MYL7: variants seen among roughly 807,000 people sequenced by gnomAD.
The protein encoded by MYL7 is myosin light chain 7.
A neutral mutation model predicts 22.5 loss-of-function variants in MYL7; 27 were observed. The ratio of observed to expected loss-of-function variants is 1.20; its 90% CI spans 0.89 to 1.66. The LOEUF (loss-of-function observed/expected upper bound fraction) is 1.66, where lower values mean the gene tolerates loss of function less well. MYL7 is among the 40% of genes most tolerant of loss of function. MYL7 has a pLI of 0.00. For synonymous variants in MYL7, 81 were observed against 84.4 expected (o/e 0.96, Z 0.22); for missense variants, 209 against 226.8 (o/e 0.92, Z 0.50).
intron 1 of MYL7, 79 bp downstream of exon 1, chr7:44,141,224 G>C: frequency 2.5e-6 from 4 of 1,608,802 alleles, no homozygotes; most frequent in Non-Finnish European, 3.4e-6. Flanking sequence ...CCCAACACAA[G>C]CACAGAAAAC....
intron 3 of MYL7, 25 bp downstream of exon 3, chr7:44,140,687 C>T (rs2096264434): frequency 1.3e-6 from 2 of 1,579,946 alleles, no homozygotes; most frequent in Non-Finnish European, 1.7e-6. Flanking sequence ...CCCCAGTGCG[C>T]AGGGTGGGAG....
rs75018391 is a variant in MYL7 at position 44,138,899 on chromosome 7, C to G, written c.*22G>C. ...GCAACAGAGTTTATTGAGGTGCCCCCCCGTGGGCCTGGCCCTGCCCCTCAT... is the reference window on the plus strand; with the variant it reads ...GCAACAGAGTTTATTGAGGTGCCCCGCCGTGGGCCTGGCCCTGCCCCTCAT... On this transcript the variant is annotated 3_prime_UTR_variant, in exon 7 of 7. Transcript: ENST00000223364. 5.8e-5 allele frequency: 93 copies of G among 1,594,544 alleles called. No individual in the cohort carries two copies. In the African/African-American group the frequency reaches 8.6e-4, roughly 15 times the overall value.
Position 44,141,053 on chromosome 7 carries a change from G to T in MYL7, c.25C>A (p.Arg9=), listed in dbSNP as rs4440539. MASRKAGT[R]GKVAATKQAQ... is the part of the protein sequence containing the mutation. ...TGCTTGGTGGCTGCCACCTTGCCCC[G>T]GGTCCCCGCCTTCCTGCTGGCCTGC... Residue 9 remains arginine (R), a synonymous_variant, in exon 2 of 7, where the codon CGG becomes AGG. Transcript: ENST00000223364. 0.055 allele frequency: 89,373 copies of T among 1,613,680 alleles called. 3,683 individuals are homozygous for T. The highest frequency in any genetic ancestry group is 0.23 in the East Asian group (10,179 of 44,830).
chr7:44,139,850 G>A lies in MYL7; in HGVS notation c.309C>T (p.Pro103=), dbSNP rs762580390. The A allele has an allele frequency of 1.2e-5, 19 of 1,608,732 alleles. No homozygotes were observed. The highest frequency in any genetic ancestry group is 2.0e-4 in the Middle Eastern group (1 of 5,018). The stretch of plus-strand genomic sequence containing the variant: ...GGAAGGCACTCAGGATGGCTTCCTC[G>A]GGGTCTGTCCCTGGAAGGCCGAGGC... ...LFGEKLNGTD[P]EEAILSAFRM... Residue 103 remains proline (P), a synonymous_variant, in exon 5 of 7, where the codon CCC becomes CCT. Transcript: ENST00000223364.
intron 6 of MYL7, among the ~76,000 whole-genome samples, chr7:44,139,243 C>T (rs2096262257): frequency 6.6e-6 from 1 of 152,218 alleles, no homozygotes; most frequent in African/African-American, 2.4e-5. Context: ...CAAAGGACGC[C>T]CCTCCAGCCA....
At chr7:44,139,441 C>T in intron 6 of MYL7, 80 bp downstream of exon 6, 1 of 1,510,524 alleles carries the variant, frequency 6.6e-7, no homozygotes, top group South Asian at 1.1e-5. Flanking sequence ...AACTGCCTCA[C>T]TGGTACTGGG....
At position 44,138,936 on chromosome 7, in the gene MYL7, G is replaced by A. The variant is rs141852636; in HGVS notation, c.513C>T (p.Asp171=). ...KSLCYIITHG[D]EKEE ...GCCCTGCCCCTCATTCCTCTTTCTC[G>A]TCTCCATGGGTGATGATGTAGCACA... The change falls in exon 7 of 7, where the codon GAC becomes GAT. Residue 171 remains aspartate, a synonymous_variant. Transcript: ENST00000223364. The A allele has an allele frequency of 2.8e-4, 445 of 1,613,828 alleles. No individual in the cohort carries two copies. The highest frequency in any genetic ancestry group is 1.5e-3 in the Middle Eastern group (9 of 6,084).
intron 4 of MYL7, 76 bp from the exon 5 acceptor site, chr7:44,139,936 A>T: frequency 3.0e-6 from 4 of 1,318,222 alleles, no homozygotes; most frequent in Non-Finnish European, 4.1e-6. Context: ...ACTGGGCTGC[A>T]TGAGGAGCCT....
In MYL7 at chr7:44,140,692, T is replaced by C. The variant is rs756516399; in HGVS notation, c.193+20A>G. ...AGAGTAGGGACCCCAGTGCGCAGGG[T>C]GGGAGGTGGGTGCACGCACCCAGCT... On this transcript the variant is annotated intron_variant, in intron 3 of 6. Transcript: ENST00000223364. 1 of 1,585,546 alleles carries C rather than the reference T, an allele frequency of 6.3e-7. No individual in the cohort carries two copies. Among genetic ancestry groups the C allele is most frequent in the South Asian group, 1.2e-5 (1 of 85,262 alleles).
chr7:44,138,965 A>T lies in MYL7; in HGVS notation c.484T>A (p.Ser162Thr). The T allele has an allele frequency of 6.2e-7, 1 of 1,613,986 alleles. No homozygotes were observed. The highest frequency in any genetic ancestry group is 8.5e-7 in the Non-Finnish European group (1 of 1,179,964). Reference protein sequence around the residue: ...MDLAGNIDYKSLCYIITHGDE... With the variant: ...MDLAGNIDYKTLCYIITHGDE... ...CCATGGGTGATGATGTAGCACAGTG[A>T]CTTGTAGTCGATGTTCCCCGCCAGG... The change falls in exon 7 of 7, where the codon TCA (serine) becomes ACA (threonine). Residue 162 changes from serine to threonine, a missense_variant. By Grantham distance (58) the Ser-to-Thr change is moderately conservative (BLOSUM62 1). Transcript: ENST00000223364.
chr7:44,138,931 T>C lies in MYL7; in HGVS notation c.518A>G (p.Lys173Arg), dbSNP rs752866833. The change falls in exon 7 of 7, where the codon AAA (lysine) becomes AGA (arginine). Residue 173 changes from lysine (K) to arginine (R), a missense_variant. Physicochemically the swap from Lys to Arg is conservative, Grantham distance 26. Transcript: ENST00000223364. ...LCYIITHGDE[K>R]EE ...GCCTGGCCCTGCCCCTCATTCCTCT[T>C]TCTCGTCTCCATGGGTGATGATGTA... The C allele has an allele frequency of 6.2e-7, 1 of 1,614,048 alleles. No homozygotes were observed.
At chr7:44,140,223 T>G in intron 4 of MYL7, 100 bp downstream of exon 4, 2 of 973,670 alleles carry the variant, frequency 2.1e-6, no homozygotes, top group African/African-American at 1.6e-5. Context: ...GTGGGGTTCA[T>G]GTAAGGTTCA....
chr7:44,141,196 C>T, intron 1 of MYL7, 107 bp downstream of exon 1: 1 of 1,593,410 alleles, frequency 6.3e-7, no homozygotes, highest in Non-Finnish European at 8.6e-7. Flanking sequence ...TCTTCCTCTC[C>T]CTGGGGACCA....
At position 44,139,855 on chromosome 7, in the gene MYL7, C is replaced by G. The variant is rs2096263160; in HGVS notation, c.304G>C (p.Asp102His). The G allele has an allele frequency of 1.2e-6, 2 of 1,607,728 alleles. No individual in the cohort carries two copies. The highest frequency in any genetic ancestry group is 1.7e-6 in the Non-Finnish European group (2 of 1,178,532). ...TLFGEKLNGT[D>H]PEEAILSAFR... ...GCACTCAGGATGGCTTCCTCGGGGT[C>G]TGTCCCTGGAAGGCCGAGGCAGCCA... The change falls in exon 5 of 7, where the codon GAC (aspartate) becomes CAC (histidine). Residue 102 changes from aspartate (D) to histidine (H), a missense_variant. Transcript: ENST00000223364.
chr7:44,139,358 C>G, intron 6 of MYL7, 163 bp downstream of exon 6: 1 of 852,048 alleles, frequency 1.2e-6, no homozygotes, highest in South Asian at 1.3e-5. Context: ...TTTTCTGACT[C>G]CACATCTTTA....
In MYL7 at chr7:44,140,945, G is replaced by A. The variant is rs368012107; in HGVS notation, c.117+16C>T. Reference sequence around the variant, plus strand: ...GGCCAGGATGGGATCTGAGGCTACTGGGAGTGGGCACTCACTTCTTTGAAC... The same window carrying A: ...GGCCAGGATGGGATCTGAGGCTACTAGGAGTGGGCACTCACTTCTTTGAAC... On this transcript the variant is annotated intron_variant, in intron 2 of 6. Coordinates refer to ENST00000223364, the MANE Select transcript of MYL7 (RefSeq NM_021223.3). The A allele has an allele frequency of 3.6e-4, 580 of 1,608,764 alleles. 9 individuals carry two copies. In the South Asian group the frequency reaches 5.2e-3, roughly 14 times the overall value.
At chr7:44,140,651 A>T (rs916165134) in intron 3 of MYL7, 61 bp downstream of exon 3, 15 of 1,513,662 alleles carry the variant, frequency 9.9e-6, no homozygotes, top group Non-Finnish European at 1.3e-5. Flanking sequence ...AGCCACTCCC[A>T]CCCGCCCAGC....
intron 4 of MYL7, 88 bp downstream of exon 4, chr7:44,140,235 G>T (rs2128816593): frequency 1.8e-6 from 2 of 1,108,302 alleles, no homozygotes; most frequent in Non-Finnish European, 2.7e-6. Context: ...TAAGGTTCAG[G>T]TGGGGTTCAG....
At chr7:44,140,174 AGTCCAGGTGG>A (rs1760354447) in intron 4 of MYL7, 139 bp downstream of exon 4, 2 of 660,958 alleles carry the variant, frequency 3.0e-6, no homozygotes, top group Non-Finnish European at 5.3e-6. Context: ...GGCCAGGAAG[AGTCCAGGTGG>A]GTCCAGGTGG....
Sources: gnomAD v4.1 joint callset for allele counts (sites outside exome capture counted in the v4.1 genomes callset) on GRCh38, gnomAD v4.1.1 for gene constraint, MANE v1.5 for transcripts, NCBI Gene and HGNC (gene_info 2026-07-23, HGNC 2026-07-21) for gene names.